AP1S3: variants seen among roughly 807,000 people sequenced by gnomAD.
AP1S3 encodes AP-1 complex subunit sigma-3.
Under a neutral mutation model 20.9 loss-of-function variants are expected in AP1S3, and 10 were observed. The observed-to-expected ratio is 0.48, with a 90% CI of 0.29 to 0.81. The LOEUF (loss-of-function observed/expected upper bound fraction) is 0.81, where lower values mean the gene tolerates loss of function less well. AP1S3 is among the 30% of genes least tolerant of loss of function. The pLI, the probability that AP1S3 is intolerant of heterozygous loss-of-function variation, is 0.08. For missense variants in AP1S3, 154 were observed against 183.8 expected, an observed-to-expected ratio of 0.84 and a Z score of 0.94; for synonymous variants, 41 against 61.5, an observed-to-expected ratio of 0.67 and a Z score of 1.56.
intron 3 of AP1S3, among the ~76,000 whole-genome samples, chr2:223,768,848 CCTT>C (rs1215930952): frequency 1.3e-5 from 2 of 152,030 alleles, no homozygotes; most frequent in African/African-American, 2.4e-5. Flanking sequence ...GAGCAAGACT[CCTT>C]CTCAAAAAAT....
intron 1 of AP1S3, among the ~76,000 whole-genome samples, chr2:223,836,124 T>C (rs537622257): frequency 4.2e-3 from 647 of 152,326 alleles, no homozygotes; most frequent in Middle Eastern, 0.01. Flanking sequence ...CCCGGCTCTC[T>C]TTGTTGATCA....
intron 1 of AP1S3, among the ~76,000 whole-genome samples, chr2:223,818,225 T>C (rs923186667): frequency 2.0e-5 from 3 of 152,146 alleles, no homozygotes; most frequent in Admixed American, 6.6e-5. Flanking sequence ...GAGCCCAGGC[T>C]GGGCAATATG....
At chr2:223,763,441 T>C (rs1296573572) in intron 4 of AP1S3, among the ~76,000 whole-genome samples, 2 of 152,198 alleles carry the variant, frequency 1.3e-5, no homozygotes, top group East Asian at 1.9e-4. Flanking sequence ...TTAAAAACTC[T>C]GTTTCTCCTG....
intron 1 of AP1S3, among the ~76,000 whole-genome samples, chr2:223,802,108 A>G (rs1251659456): frequency 1.3e-5 from 2 of 152,088 alleles, no homozygotes; most frequent in East Asian, 1.9e-4. Flanking sequence ...ATCTCTACTG[A>G]GGGTCTGGAA....
At chr2:223,797,337 C>A (rs1311687264) in intron 1 of AP1S3, among the ~76,000 whole-genome samples, 1 of 152,166 alleles carries the variant, frequency 6.6e-6, no homozygotes, top group Non-Finnish European at 1.5e-5. Flanking sequence ...CACAGCTCTG[C>A]CATAGTCAAG....
chr2:223,787,089 T>C (rs1691095525), intron 1 of AP1S3, among the ~76,000 whole-genome samples: 2 of 151,902 alleles, frequency 1.3e-5, no homozygotes, highest in Admixed American at 1.3e-4. Context: ...AGTCAGTGAG[T>C]GAGTTATTGT....
chr2:223,824,026 T>C (rs1692058321), intron 1 of AP1S3, among the ~76,000 whole-genome samples: 1 of 152,110 alleles, frequency 6.6e-6, no homozygotes, highest in African/African-American at 2.4e-5. Flanking sequence ...TTTTTTGAAA[T>C]GGGATCTTGC....
chr2:223,772,272 C>T (rs139327913), intron 3 of AP1S3, among the ~76,000 whole-genome samples: 3 of 152,164 alleles, frequency 2.0e-5, no homozygotes, highest in African/African-American at 7.2e-5. Flanking sequence ...TTTTGAGGGT[C>T]ATTTTTCTCA....
At chr2:223,829,129 C>T (rs939957429) in intron 1 of AP1S3, among the ~76,000 whole-genome samples, 1 of 152,178 alleles carries the variant, frequency 6.6e-6, no homozygotes, top group African/African-American at 2.4e-5. Context: ...CCACTGCACC[C>T]AGCCAGGACC....
Position 223,830,979 on chromosome 2 carries a change from A to C in AP1S3, c.3+6469T>G, listed in dbSNP as rs533412736. On this transcript the variant is annotated intron_variant, in intron 1 of 4. Coordinates refer to ENST00000396654, the MANE Select transcript of AP1S3 (RefSeq NM_001039569.2). ...TTTCAGTATCCCCTTTTCATTGTTA[A>C]GATTTTTAATTTACCTTATTGCTAG... Among the ~76,000 whole-genome samples, 7 of 152,330 alleles carry C rather than the reference A, an allele frequency of 4.6e-5. No homozygotes were observed. The South Asian group carries it at 1.4e-3, about 32-fold the overall frequency.
intron 3 of AP1S3, among the ~76,000 whole-genome samples, chr2:223,768,626 A>T (rs1232616977): frequency 6.6e-6 from 1 of 152,156 alleles, no homozygotes; most frequent in Non-Finnish European, 1.5e-5. Context: ...AGGCTGAGGC[A>T]GGCAGATCAC....
intron 1 of AP1S3, among the ~76,000 whole-genome samples, chr2:223,819,812 T>C (rs10197448): frequency 0.32 from 48,931 of 151,980 alleles, 8,292 homozygotes; most frequent in Middle Eastern, 0.42. Context: ...ACAGTGATTA[T>C]TGCAAAGTTA....
intron 1 of AP1S3, among the ~76,000 whole-genome samples, chr2:223,808,224 C>T (rs1691632149): frequency 6.6e-6 from 1 of 152,146 alleles, no homozygotes; most frequent in African/African-American, 2.4e-5. Context: ...ATATGGTCAG[C>T]ACTGAGCTTC....
chr2:223,780,768 T>A (rs1690928454), intron 1 of AP1S3, among the ~76,000 whole-genome samples: 1 of 151,584 alleles, frequency 6.6e-6, no homozygotes, highest in Admixed American at 6.6e-5. Context: ...TTTTTTCTGG[T>A]AACTACAAAT....
chr2:223,791,240 C>T (rs772962373), intron 1 of AP1S3, among the ~76,000 whole-genome samples: 8 of 151,956 alleles, frequency 5.3e-5, no homozygotes, highest in African/African-American at 1.2e-4. Context: ...AACAAAAACA[C>T]ATCAGGACAA....
At chr2:223,834,603 A>C (rs1259467303) in intron 1 of AP1S3, among the ~76,000 whole-genome samples, 3 of 151,854 alleles carry the variant, frequency 2.0e-5, no homozygotes, top group Non-Finnish European at 4.4e-5. Context: ...TAAATAAATA[A>C]ATAAATAGCT....
intron 1 of AP1S3, among the ~76,000 whole-genome samples, chr2:223,814,936 C>T (rs559188334): frequency 9.2e-5 from 14 of 152,122 alleles, no homozygotes; most frequent in South Asian, 2.1e-4. Flanking sequence ...ACTATCACTC[C>T]GGGCTAATTC....
intron 3 of AP1S3, among the ~76,000 whole-genome samples, chr2:223,772,760 C>T (rs1003634977): frequency 2.0e-5 from 3 of 151,990 alleles, no homozygotes; most frequent in African/African-American, 7.3e-5. Context: ...CCAAGTTTTC[C>T]CCTAGATAAC....
intron 1 of AP1S3, among the ~76,000 whole-genome samples, chr2:223,819,873 T>C (rs1691947657): frequency 6.6e-6 from 1 of 152,162 alleles, no homozygotes; most frequent in African/African-American, 2.4e-5. Flanking sequence ...AATACTATTA[T>C]ATTCACTGGT....
Sources: allele counts gnomAD v4.1 joint callset (sites outside exome capture counted in the v4.1 genomes callset), GRCh38; gene constraint gnomAD v4.1.1; transcripts MANE v1.5; gene names NCBI Gene and HGNC (gene_info 2026-07-23, HGNC 2026-07-21).